Variants in PCDHGA5 observed in about 807,000 individuals in gnomAD.
PCDHGA5 encodes protocadherin gamma-A5.
In PCDHGA5, 36 loss-of-function variants were observed where a neutral mutation model predicts 56.7. The ratio of observed to expected loss-of-function variants is 0.64; its 90% confidence interval spans 0.49 to 0.84. The LOEUF (loss-of-function observed/expected upper bound fraction) is 0.84, where lower values mean the gene tolerates loss of function less well. Among genes scored for constraint, PCDHGA5 ranks in the 40% least tolerant of loss-of-function variants. The pLI is 0.00. For missense variants in PCDHGA5, 1,305 were observed against 1,201.5 expected, an observed-to-expected ratio of 1.09 and a Z score of -1.27; for synonymous variants, 563 against 520.2, an observed-to-expected ratio of 1.08 and a Z score of -1.12.
chr5:141,502,578 T>C (rs2099815145), intron 2 of PCDHGA5, among the ~76,000 whole-genome samples: 1 of 152,198 alleles, frequency 6.6e-6, no homozygotes, highest in African/African-American at 2.4e-5. Context: ...TATAAAAATA[T>C]ATTTTTATAA....
intron 3 of PCDHGA5, among the ~76,000 whole-genome samples, chr5:141,506,444 CAAAAAAAAAA>C (rs1219684339): frequency 8.4e-5 from 8 of 95,030 alleles, no homozygotes; most frequent in Non-Finnish European, 1.3e-4. Context: ...CGCTCTGTCT[CAAAAAAAAAA>C]AAAAAAAAAA....
In PCDHGA5 at chr5:141,432,596, G is replaced by T; in HGVS notation, c.2422-62211G>T. On this transcript the variant is annotated intron_variant, in intron 1 of 3. Transcript: ENST00000518069. This position sits in a 1 kb window ranked among gnomAD's most constrained non-coding sequence, Gnocchi z 6.0. The stretch of plus-strand genomic sequence containing the variant: ...GTCCTACCGTCTGCTCAAGGCCAGC[G>T]AGCCGGGACTCTTCTCGGTGGGTCT... 6.8e-6 allele frequency: 11 copies of T among 1,613,926 alleles called. No individual in the cohort carries two copies. The highest frequency in any genetic ancestry group is 9.3e-6 in the Non-Finnish European group (11 of 1,179,972).
At chr5:141,510,682 G>C (rs1014890367) in intron 3 of PCDHGA5, among the ~76,000 whole-genome samples, 2 of 152,154 alleles carry the variant, frequency 1.3e-5, no homozygotes, top group Non-Finnish European at 2.9e-5. Context: ...GTGGCATAAG[G>C]AGGTTAGGTA....
intron 1 of PCDHGA5, among the ~76,000 whole-genome samples, chr5:141,448,169 A>C (rs1418273084): frequency 6.6e-6 from 1 of 152,014 alleles, no homozygotes; most frequent in Non-Finnish European, 1.5e-5. Flanking sequence ...GATCACTACT[A>C]TTCATCCCTG....
At chr5:141,421,774 C>G (rs767599830) in intron 1 of PCDHGA5, 27 of 1,613,772 alleles carry the variant, frequency 1.7e-5, no homozygotes, top group Middle Eastern at 1.6e-4. Context: ...TTCCTTGCAA[C>G]TGCGGGGCAG....
chr5:141,418,578 CAGTGTT>C, intron 1 of PCDHGA5: 1 of 1,614,040 alleles, frequency 6.2e-7, no homozygotes, highest in African/African-American at 1.3e-5. Flanking sequence ...GACAACCCCC[CAGTGTT>C]CAGCCAGGAC....
intron 1 of PCDHGA5, chr5:141,371,174 C>A: frequency 6.2e-7 from 1 of 1,613,994 alleles, no homozygotes; most frequent in South Asian, 1.1e-5. Context: ...CTGGCTCCTC[C>A]GTATTAAAAG....
chr5:141,510,833 C>G, intron 3 of PCDHGA5, 114 bp from the exon 4 acceptor site: 2 of 1,577,796 alleles, frequency 1.3e-6, no homozygotes, highest in Admixed American at 1.7e-5. Context: ...CAGTGCTCAG[C>G]GTGGTCAAGG....
intron 1 of PCDHGA5, chr5:141,389,594 T>G (rs1458391866): frequency 1.2e-5 from 19 of 1,613,068 alleles, no homozygotes; most frequent in Non-Finnish European, 1.5e-5. Flanking sequence ...CCGACGGCTC[T>G]GCGCTCTTCG....
At position 141,485,386 on chromosome 5, in the gene PCDHGA5, C is replaced by A. The variant is rs1044608807; in HGVS notation, c.2422-9421C>A. The stretch of plus-strand genomic sequence containing the variant: ...GGCTGCAGGTCGCTGGAGAGGTGAA[C>A]CAAAGACACTTCCGTGTGGATTTGG... On this transcript the variant is annotated intron_variant, in intron 1 of 3. Coordinates refer to ENST00000518069, the MANE Select transcript of PCDHGA5 (RefSeq NM_018918.3). This position sits in a 1 kb window ranked among gnomAD's most constrained non-coding sequence, Gnocchi z 5.7. 1.2e-6 allele frequency: 2 copies of A among 1,614,104 alleles called. No homozygotes were observed. The highest frequency in any genetic ancestry group is 8.5e-7 in the Non-Finnish European group (1 of 1,180,002).
chr5:141,397,639 G>A (rs1391771739), intron 1 of PCDHGA5, among the ~76,000 whole-genome samples: 2 of 152,180 alleles, frequency 1.3e-5, no homozygotes, highest in Non-Finnish European at 2.9e-5. Context: ...AGAGTTCAAG[G>A]TATGTTTGCA....
chr5:141,489,191 T>C lies in PCDHGA5; in HGVS notation c.2422-5616T>C. On this transcript the variant is annotated intron_variant, in intron 1 of 3. Coordinates refer to ENST00000518069, the MANE Select transcript of PCDHGA5 (RefSeq NM_018918.3). The surrounding 1 kb of genome is among the most constrained non-coding windows in gnomAD (Gnocchi z 4.5). ...CTGCATTCCAAGCCCTGGGTCTACC[T>C]TGGAGACAGGACAGCACAGACTTAC... The C allele has an allele frequency of 7.3e-7, 1 of 1,364,400 alleles. No homozygotes were observed. Among genetic ancestry groups the C allele is most frequent in the Middle Eastern group, 1.9e-4 (1 of 5,334 alleles). The allele number at this position is 1,364,400 out of a possible 1,614,324, so 84.5% of individuals were successfully genotyped here. A position where few individuals can be genotyped will look rare whatever the true frequency, so the allele number is the denominator to read the frequency against.
At chr5:141,409,618 G>T (rs374484255) in intron 1 of PCDHGA5, 77 of 1,613,776 alleles carry the variant, frequency 4.8e-5, no homozygotes, top group Non-Finnish European at 6.3e-5. Context: ...CCTCCATTGC[G>T]CAAGTGAGCG....
At chr5:141,433,253 G>C (rs1288721469) in intron 1 of PCDHGA5, 1 of 1,416,466 alleles carries the variant, frequency 7.1e-7, no homozygotes, top group East Asian at 2.3e-5. Flanking sequence ...GAATGCAGCG[G>C]TACGATCATA....
chr5:141,449,804 T>C (rs991937787), intron 1 of PCDHGA5, among the ~76,000 whole-genome samples: 2 of 151,676 alleles, frequency 1.3e-5, no homozygotes, highest in Non-Finnish European at 2.9e-5. Flanking sequence ...AAATACCTCA[T>C]TGTGTATTTC....
intron 1 of PCDHGA5, chr5:141,420,464 C>A: frequency 1.2e-6 from 1 of 801,488 alleles, no homozygotes; most frequent in South Asian, 4.0e-5. Flanking sequence ...TATTCAAAGA[C>A]ATTTTAAAGC....
At chr5:141,399,642 G>C (rs755191053) in intron 1 of PCDHGA5, 3 of 1,613,750 alleles carry the variant, frequency 1.9e-6, no homozygotes, top group Non-Finnish European at 2.5e-6. Flanking sequence ...CCATGAGCGC[G>C]CAAAGTGGGG....
At chr5:141,390,887 T>A (rs547559021) in intron 1 of PCDHGA5, 2,724 of 151,184 alleles carry the variant, frequency 0.018, 30 homozygotes, top group African/African-American at 0.021. Flanking sequence ...TGTGTGTGTG[T>A]GAGAGAGATC....
Position 141,405,365 on chromosome 5 carries a change from C to T in PCDHGA5, c.2421+38614C>T, listed in dbSNP as rs773382376. 2.5e-6 allele frequency: 4 copies of T among 1,613,614 alleles called. No homozygotes were observed. The Admixed American group carries it at 5.0e-5, about 20-fold the overall frequency. On this transcript the variant is annotated intron_variant, in intron 1 of 3. Transcript: ENST00000518069. ...TTCCAAGTTTCCTATAGAAGACACC[C>T]CTTTGGTTCCGGTGAGTTCATTTTT...
Sources: allele counts gnomAD v4.1 joint callset (sites outside exome capture counted in the v4.1 genomes callset), GRCh38; gene constraint gnomAD v4.1.1; non-coding constraint Gnocchi (gnomAD v3.1); transcripts MANE v1.5; gene names NCBI Gene and HGNC (gene_info 2026-07-23, HGNC 2026-07-21).